PCDH9: variants seen among roughly 807,000 people sequenced by gnomAD.
The protein encoded by PCDH9 is protocadherin-9.
Under a neutral mutation model 70.6 loss-of-function variants are expected in PCDH9, and 24 were observed. The ratio of observed to expected loss-of-function variants is 0.34; its 90% CI spans 0.25 to 0.48. PCDH9 has a LOEUF of 0.48. PCDH9 is among the 20% of genes least tolerant of loss of function. The pLI is 0.99. For synonymous variants in PCDH9, 562 were observed against 558.5 expected (o/e 1.01, Z -0.09); for missense variants, 1,281 against 1,503.6 (o/e 0.85, Z 2.45).
intron 2 of PCDH9, among the ~76,000 whole-genome samples, chr13:67,081,072 T>C (rs549931553): frequency 5.4e-4 from 82 of 152,334 alleles, no homozygotes; most frequent in African/African-American, 1.9e-3. Flanking sequence ...AACTTTCCAA[T>C]ATAATTTTGA....
At chr13:67,055,441 T>C (rs1311497060) in intron 2 of PCDH9, among the ~76,000 whole-genome samples, 1 of 152,190 alleles carries the variant, frequency 6.6e-6, no homozygotes, top group Non-Finnish European at 1.5e-5. Context: ...AAGTGGACAA[T>C]ACTCCCCTTA....
At chr13:67,052,532 T>G (rs559216498) in intron 2 of PCDH9, among the ~76,000 whole-genome samples, 7 of 151,800 alleles carry the variant, frequency 4.6e-5, no homozygotes, top group Non-Finnish European at 1.0e-4. Context: ...ATTTGCATTA[T>G]AGAAGATCAA....
At chr13:66,965,167 C>T (rs760042056) in intron 2 of PCDH9, among the ~76,000 whole-genome samples, 2 of 152,044 alleles carry the variant, frequency 1.3e-5, no homozygotes, top group Non-Finnish European at 2.9e-5. Context: ...CATTATTGGA[C>T]AGTCTTAATT....
At chr13:66,649,245 CT>C (rs1593836445) in intron 3 of PCDH9, among the ~76,000 whole-genome samples, 1 of 151,982 alleles carries the variant, frequency 6.6e-6, no homozygotes, top group East Asian at 1.9e-4. Flanking sequence ...TCAAATAAGA[CT>C]ACTTCAAGAC....
Position 66,471,724 on chromosome 13 carries a change from A to C in PCDH9, c.3340+159486T>G, listed in dbSNP as rs1013182625. Among the ~76,000 whole-genome samples the C allele has an allele frequency of 2.0e-5, 3 of 152,256 alleles. No individual in the cohort carries two copies. In the East Asian group the frequency reaches 5.8e-4, roughly 29 times the overall value. ...AGTAGCTTGCTCAAATTTCCATAGC[A>C]AGTAAAGAACAGAGTTATAATTTGA... is the stretch of plus-strand genomic sequence containing the variant. On this transcript the variant is annotated intron_variant, in intron 4 of 4. Coordinates refer to ENST00000377865, the MANE Select transcript of PCDH9 (RefSeq NM_203487.3).
At chr13:66,411,995 T>A (rs1345208932) in intron 4 of PCDH9, among the ~76,000 whole-genome samples, 1 of 152,212 alleles carries the variant, frequency 6.6e-6, no homozygotes, top group Non-Finnish European at 1.5e-5. Flanking sequence ...AAACAAATTC[T>A]AATGATCTAC....
At chr13:66,620,611 C>A (rs1372286400) in intron 4 of PCDH9, among the ~76,000 whole-genome samples, 1 of 152,122 alleles carries the variant, frequency 6.6e-6, no homozygotes, top group Non-Finnish European at 1.5e-5. Context: ...CTAAAACCCA[C>A]TCTTTGTATG....
chr13:66,377,130 T>C (rs1956762664), intron 4 of PCDH9, among the ~76,000 whole-genome samples: 1 of 152,168 alleles, frequency 6.6e-6, no homozygotes, highest in Non-Finnish European at 1.5e-5. Flanking sequence ...GAAAATATAA[T>C]TGGGCCAGAA....
intron 4 of PCDH9, among the ~76,000 whole-genome samples, chr13:66,564,191 G>A (rs913113180): frequency 2.0e-5 from 3 of 151,974 alleles, no homozygotes; most frequent in Non-Finnish European, 4.4e-5. Context: ...TTAAGACAAT[G>A]TGTTGCTTTT....
At chr13:66,539,823 AT>A in intron 4 of PCDH9, among the ~76,000 whole-genome samples, 1 of 144,344 alleles carries the variant, frequency 6.9e-6, no homozygotes, top group Admixed American at 6.9e-5. Context: ...TAATATCCAT[AT>A]TTTATATTTT....
chr13:66,862,128 T>C (rs2081494470), intron 3 of PCDH9, among the ~76,000 whole-genome samples: 1 of 152,216 alleles, frequency 6.6e-6, no homozygotes, highest in African/African-American at 2.4e-5. Flanking sequence ...ATGGCTCTGT[T>C]ACCTTTACAT....
chr13:66,518,855 G>A (rs749267320), intron 4 of PCDH9, among the ~76,000 whole-genome samples: 11 of 152,072 alleles, frequency 7.2e-5, no homozygotes, highest in Non-Finnish European at 1.3e-4. Context: ...AAACCCAAAC[G>A]CATGAATTAA....
At chr13:66,724,987 T>A (rs2078987282) in intron 3 of PCDH9, among the ~76,000 whole-genome samples, 1 of 152,164 alleles carries the variant, frequency 6.6e-6, no homozygotes, top group African/African-American at 2.4e-5. Flanking sequence ...TGACTCCCAA[T>A]ATCATATCTC....
chr13:67,198,235 T>C (rs117397936), intron 2 of PCDH9, among the ~76,000 whole-genome samples: 3,478 of 151,866 alleles, frequency 0.023, 75 homozygotes, highest in East Asian at 0.09. Context: ...TGAAATAAAA[T>C]GTTAAAATTT....
At chr13:66,630,920 A>C (rs2077562484) in intron 4 of PCDH9, 1 of 257,982 alleles carries the variant, frequency 3.9e-6, no homozygotes, top group Admixed American at 5.0e-5. Context: ...AAATTTCATA[A>C]GATCTCTGAC....
At chr13:66,666,722 C>A (rs2078102729) in intron 3 of PCDH9, among the ~76,000 whole-genome samples, 1 of 151,854 alleles carries the variant, frequency 6.6e-6, no homozygotes, top group South Asian at 2.1e-4. Context: ...TCAAAATACA[C>A]TAAATAGACT....
intron 3 of PCDH9, among the ~76,000 whole-genome samples, chr13:66,668,831 G>A (rs2078132789): frequency 6.6e-6 from 1 of 152,072 alleles, no homozygotes; most frequent in Admixed American, 6.6e-5. Context: ...TATTTGTATT[G>A]TTAGCCCCAA....
rs1955400936 is a variant in PCDH9 at position 66,303,246 on chromosome 13, C to A, written c.*1409G>T. 1 of 152,058 alleles carries A rather than the reference C, an allele frequency of 6.6e-6. No homozygotes were observed. Among genetic ancestry groups the A allele is most frequent in the Non-Finnish European group, 1.5e-5 (1 of 67,904 alleles). The allele number at this position is 152,058 out of a possible 1,614,324, so 9.4% of individuals were successfully genotyped here. The stretch of plus-strand genomic sequence containing the variant: ...ATCATCTGTCATGCCTTAACAAAAA[C>A]CTCCTAAGAATGTTCGAATTTGGAT... On this transcript the variant is annotated 3_prime_UTR_variant, in exon 5 of 5. Coordinates refer to ENST00000377865, the MANE Select transcript of PCDH9 (RefSeq NM_203487.3).
intron 3 of PCDH9, among the ~76,000 whole-genome samples, chr13:66,777,710 G>A (rs2079921288): frequency 6.6e-6 from 1 of 152,194 alleles, no homozygotes; most frequent in Admixed American, 6.5e-5. Flanking sequence ...CATCCCTTGT[G>A]GAAGTCAGTG....
Sources: gnomAD v4.1 joint callset for allele counts (sites outside exome capture counted in the v4.1 genomes callset) on GRCh38, gnomAD v4.1.1 for gene constraint, MANE v1.5 for transcripts, NCBI Gene and HGNC (gene_info 2026-07-23, HGNC 2026-07-21) for gene names.